Variants in DCLK1 observed in about 807,000 individuals in gnomAD.
DCLK1 encodes doublecortin like kinase 1.
In DCLK1, 16 loss-of-function variants were observed where a neutral mutation model predicts 86.2. The ratio of observed to expected loss-of-function variants is 0.19; its 90% CI spans 0.13 to 0.28. The LOEUF (loss-of-function observed/expected upper bound fraction) is 0.28, where lower values mean the gene tolerates loss of function less well. Ranked by LOEUF, DCLK1 falls within the 10% of genes least tolerant of loss-of-function variation. The pLI, the probability that DCLK1 is intolerant of heterozygous loss-of-function variation, is 1.00. For missense variants in DCLK1, 590 were observed against 940.2 expected (o/e 0.63, Z 4.87); for synonymous variants, 369 against 370.5 (o/e 1.00, Z 0.05).
At chr13:35,982,225 G>A (rs1879677881) in intron 3 of DCLK1, among the ~76,000 whole-genome samples, 1 of 151,916 alleles carries the variant, frequency 6.6e-6, no homozygotes, top group South Asian at 2.1e-4. Flanking sequence ...AAAGGAAAGA[G>A]GGAACAAGGC....
chr13:35,790,323 G>T (rs2086689829), intron 16 of DCLK1, among the ~76,000 whole-genome samples: 1 of 152,170 alleles, frequency 6.6e-6, no homozygotes, highest in South Asian at 2.1e-4. Context: ...GAAAGAAAGA[G>T]TGTCACAGAT....
At chr13:35,867,959 AAGAAAG>A (rs1871967786) in intron 5 of DCLK1, among the ~76,000 whole-genome samples, 1 of 147,808 alleles carries the variant, frequency 6.8e-6, no homozygotes, top group African/African-American at 2.5e-5. Context: ...GAAAGAAAGA[AAGAAAG>A]AGAAAAAGAA....
chr13:35,826,539 A>G (rs867768771), intron 10 of DCLK1, among the ~76,000 whole-genome samples: 7,667 of 40,668 alleles, frequency 0.19, 1,538 homozygotes, highest in Non-Finnish European at 0.31. Context: ...AAAAAAAAAA[A>G]AAAGAAAGAA....
At chr13:35,799,344 C>T (rs1014058999) in intron 15 of DCLK1, among the ~76,000 whole-genome samples, 4 of 152,142 alleles carry the variant, frequency 2.6e-5, no homozygotes, top group South Asian at 4.1e-4. Flanking sequence ...CTCTGCCTCC[C>T]GGGTTCAAGC....
At chr13:35,802,379 C>T (rs143308756) in intron 15 of DCLK1, among the ~76,000 whole-genome samples, 2 of 151,330 alleles carry the variant, frequency 1.3e-5, no homozygotes, top group Admixed American at 1.3e-4. Context: ...CTATGAATAT[C>T]TTTCCTCTAT....
intron 3 of DCLK1, among the ~76,000 whole-genome samples, chr13:36,059,539 G>T (rs560524815): frequency 9.9e-5 from 15 of 152,224 alleles, no homozygotes; most frequent in Non-Finnish European, 1.9e-4. Context: ...CCAGCATCAG[G>T]GGAAAGAAAT....
intron 2 of DCLK1, among the ~76,000 whole-genome samples, chr13:36,123,642 G>A (rs139553602): frequency 9.5e-4 from 144 of 152,328 alleles, no homozygotes; most frequent in African/African-American, 3.1e-3. Context: ...GTGAGTTTGA[G>A]CAGATCATTT....
chr13:35,864,379 A>C (rs1253925529), intron 5 of DCLK1, among the ~76,000 whole-genome samples: 1 of 120,898 alleles, frequency 8.3e-6, no homozygotes, highest in Non-Finnish European at 1.7e-5. Flanking sequence ...TCCCGGCTAA[A>C]ACGGTGAAAC....
At chr13:35,963,289 G>A (rs1593773429) in intron 3 of DCLK1, among the ~76,000 whole-genome samples, 2 of 152,182 alleles carry the variant, frequency 1.3e-5, no homozygotes, top group South Asian at 2.1e-4. Context: ...AGCCTACTAC[G>A]CTTGAGACAC....
At chr13:35,905,060 G>A (rs554901014) in intron 4 of DCLK1, among the ~76,000 whole-genome samples, 23 of 152,284 alleles carry the variant, frequency 1.5e-4, no homozygotes, top group African/African-American at 4.8e-4. Flanking sequence ...CTCATCACCA[G>A]CACCTAGACT....
In DCLK1 at chr13:36,102,345, C is replaced by A. The variant is rs1376295323; in HGVS notation, c.723+9524G>T. On this transcript the variant is annotated intron_variant, in intron 3 of 16. Coordinates refer to ENST00000360631, the MANE Select transcript of DCLK1 (RefSeq NM_001330071.2). ...AGAGAAAAAGGGAATAGAAAGATCT[C>A]TTGTAGGGGCACTCCTAGCCCTGTA... Among the ~76,000 whole-genome samples the A allele has an allele frequency of 3.9e-5, 6 of 152,128 alleles. No homozygotes were observed. The East Asian group carries it at 1.2e-3, about 29-fold the overall frequency.
chr13:36,014,854 CT>C (rs1881469631), intron 3 of DCLK1, among the ~76,000 whole-genome samples: 1 of 152,094 alleles, frequency 6.6e-6, no homozygotes, highest in Non-Finnish European at 1.5e-5. Flanking sequence ...TGTTTTTGAC[CT>C]TGCCCTTTCC....
chr13:35,841,732 A>C (rs1004448603), intron 6 of DCLK1, among the ~76,000 whole-genome samples: 1 of 152,202 alleles, frequency 6.6e-6, no homozygotes, highest in African/African-American at 2.4e-5. Context: ...GAAAGCTTTC[A>C]TTTTATTTAT....
At chr13:36,095,011 C>CAGCAAGTG (rs1884955519) in intron 3 of DCLK1, among the ~76,000 whole-genome samples, 1 of 152,132 alleles carries the variant, frequency 6.6e-6, no homozygotes, top group Non-Finnish European at 1.5e-5. Context: ...AAAGAATTTC[C>CAGCAAGTG]AGCAAGTGAC....
chr13:35,931,821 A>T (rs924349350), intron 4 of DCLK1, among the ~76,000 whole-genome samples: 3 of 152,204 alleles, frequency 2.0e-5, no homozygotes, highest in Non-Finnish European at 4.4e-5. Context: ...CTGAGCTGTT[A>T]CTACATTCAT....
chr13:35,950,240 T>C (rs1197170393), intron 3 of DCLK1, among the ~76,000 whole-genome samples: 1 of 152,176 alleles, frequency 6.6e-6, no homozygotes, highest in Non-Finnish European at 1.5e-5. Context: ...ATAATAAAGA[T>C]GAATTTAGGA....
intron 3 of DCLK1, among the ~76,000 whole-genome samples, chr13:36,008,167 C>A (rs1257755594): frequency 8.9e-4 from 38 of 42,888 alleles, no homozygotes; most frequent in African/African-American, 3.4e-3. Flanking sequence ...TTGGTCTCTA[C>A]CATCTTTTTT....
chr13:35,973,703 A>T (rs1879180354), intron 3 of DCLK1, among the ~76,000 whole-genome samples: 1 of 152,200 alleles, frequency 6.6e-6, no homozygotes, highest in South Asian at 2.1e-4. Context: ...AGAAAAGGCA[A>T]AAAAGAGAGA....
At chr13:35,943,527 A>G (rs997039235) in intron 4 of DCLK1, among the ~76,000 whole-genome samples, 1 of 152,142 alleles carries the variant, frequency 6.6e-6, no homozygotes, top group African/African-American at 2.4e-5. Flanking sequence ...ATAAAAAAAC[A>G]GAATAATCTG....
Sources: gnomAD v4.1 joint callset for allele counts (sites outside exome capture counted in the v4.1 genomes callset) on GRCh38, gnomAD v4.1.1 for gene constraint, MANE v1.5 for transcripts, NCBI Gene and HGNC (gene_info 2026-07-23, HGNC 2026-07-21) for gene names.